PKN2: variants seen among roughly 807,000 people sequenced by gnomAD.
PKN2 encodes protein kinase N2.
In PKN2, 38 loss-of-function variants were observed where a neutral mutation model predicts 119.1. The ratio of observed to expected loss-of-function variants is 0.32; its 90% CI spans 0.25 to 0.42. PKN2 has a LOEUF of 0.42. PKN2 is among the 10% of genes least tolerant of loss of function. PKN2 has a pLI of 1.00. For synonymous variants in PKN2, 390 were observed against 384.9 expected (o/e 1.01, Z -0.15); for missense variants, 850 against 1,165.1 (o/e 0.73, Z 3.94).
In PKN2 at chr1:88,729,520, A is replaced by G. The variant is rs529526871; in HGVS notation, c.49-11468A>G. 3.3e-5 allele frequency among the ~76,000 whole-genome samples: 5 copies of G among 152,248 alleles called. No homozygotes were observed. In the East Asian group the frequency reaches 9.7e-4, roughly 29 times the overall value. The stretch of plus-strand genomic sequence containing the variant: ...CCTCAGCTGGAAAGCTTTTGTTCTC[A>G]TACACATGGCCTCTTTCCACATGGT... On this transcript the variant is annotated intron_variant, in intron 1 of 21. Coordinates refer to ENST00000370521, the MANE Select transcript of PKN2 (RefSeq NM_006256.4).
intron 6 of PKN2, among the ~76,000 whole-genome samples, chr1:88,780,255 A>G (rs897463170): frequency 6.6e-6 from 1 of 152,150 alleles, no homozygotes. Context: ...TCAAATAGCT[A>G]TTAATTTGTT....
chr1:88,790,487 T>TTG (rs1670778357), intron 8 of PKN2, among the ~76,000 whole-genome samples: 1 of 152,196 alleles, frequency 6.6e-6, no homozygotes, highest in South Asian at 2.1e-4. Context: ...TAATTTTGAG[T>TTG]TGTGTAATTA....
At chr1:88,793,214 G>C (rs1670919662) in intron 8 of PKN2, among the ~76,000 whole-genome samples, 1 of 152,242 alleles carries the variant, frequency 6.6e-6, no homozygotes, top group South Asian at 2.1e-4. Context: ...GTGTTTGTGT[G>C]TAAGTTTGAT....
chr1:88,741,846 T>C (rs1231051326), intron 2 of PKN2, among the ~76,000 whole-genome samples: 1 of 152,032 alleles, frequency 6.6e-6, no homozygotes, highest in Non-Finnish European at 1.5e-5. Flanking sequence ...AAGAGGAAAA[T>C]ATAACCTATG....
chr1:88,740,958 CCCA>C (rs1343402999), intron 1 of PKN2, 27 bp from the exon 2 acceptor site: 2 of 1,489,164 alleles, frequency 1.3e-6, no homozygotes, highest in East Asian at 2.3e-5. Context: ...CTCCTAAACT[CCCA>C]CATTTGTATG....
chr1:88,797,648 A>G lies in PKN2; in HGVS notation c.1282-6743A>G, dbSNP rs1422315379. On this transcript the variant is annotated intron_variant, in intron 8 of 21. Transcript: ENST00000370521. ...AGAGACTCCGTCTCAAAAAAAAAAA[A>G]AAAAGAGAGAGAATGTCTTCCTTAC... Among the ~76,000 whole-genome samples, 6 of 151,706 alleles carry G rather than the reference A, an allele frequency of 4.0e-5. 1 individual carries two copies. Among genetic ancestry groups the G allele is most frequent in the Non-Finnish European group, 8.8e-5 (6 of 67,900 alleles).
intron 2 of PKN2, among the ~76,000 whole-genome samples, chr1:88,746,376 G>A (rs1436944084): frequency 6.6e-6 from 1 of 151,962 alleles, no homozygotes; most frequent in Non-Finnish European, 1.5e-5. Flanking sequence ...TATTGGATAA[G>A]GGGTCAGTAA....
chr1:88,684,475 T>TTTTTTCTTTCTCTCCCCTC lies in PKN2; in HGVS notation c.-104_-86dup. On this transcript the variant is annotated 5_prime_UTR_variant, in exon 1 of 22. Coordinates refer to ENST00000370521, the MANE Select transcript of PKN2 (RefSeq NM_006256.4). ...TCCATGAATCCCTAGTTGTTTTTTT[T>TTTTTTCTTTCTCTCCCCTC]TTTTTCTTTCTCTCCCCTCTCCTCA... 2.1e-6 allele frequency: 2 copies of TTTTTTCTTTCTCTCCCCTC among 948,656 alleles called. No homozygotes were observed. Among genetic ancestry groups the TTTTTTCTTTCTCTCCCCTC allele is most frequent in the South Asian group, 3.2e-5 (2 of 62,498 alleles). 58.8% of individuals were successfully genotyped at this position (948,656 alleles called of 1,614,324 possible).
intron 2 of PKN2, among the ~76,000 whole-genome samples, chr1:88,755,647 A>C (rs1669167101): frequency 6.6e-6 from 1 of 152,172 alleles, no homozygotes; most frequent in Non-Finnish European, 1.5e-5. Context: ...AGCACTATAT[A>C]GGCTTTATTT....
chr1:88,776,107 C>CAA (rs61540217), intron 6 of PKN2, among the ~76,000 whole-genome samples: 2,213 of 93,574 alleles, frequency 0.024, 24 homozygotes, highest in Non-Finnish European at 0.028. Flanking sequence ...GACTCCGTCT[C>CAA]AAAAAAAAAA....
intron 1 of PKN2, among the ~76,000 whole-genome samples, chr1:88,706,294 G>A (rs559946969): frequency 1.3e-5 from 2 of 152,168 alleles, no homozygotes; most frequent in South Asian, 4.1e-4. Context: ...ATCATTCCTA[G>A]TATATAGAAG....
At position 88,807,665 on chromosome 1, in the gene PKN2, T is replaced by A; in HGVS notation, c.2011-19T>A. 6.4e-7 allele frequency: 1 copy of A among 1,565,592 alleles called. No individual in the cohort carries two copies. The highest frequency in any genetic ancestry group is 2.2e-5 in the East Asian group (1 of 44,518). On this transcript the variant is annotated intron_variant, in intron 14 of 21. Coordinates refer to ENST00000370521, the MANE Select transcript of PKN2 (RefSeq NM_006256.4). Reference sequence around the variant, plus strand: ...ATTAATAACTCAAGTGGAAAATAATTATTTTAATTTTATTTCAGGTGCTTT... The same window carrying A: ...ATTAATAACTCAAGTGGAAAATAATAATTTTAATTTTATTTCAGGTGCTTT...
chr1:88,830,601 T>A (rs1431801597), intron 19 of PKN2, among the ~76,000 whole-genome samples: 1 of 152,126 alleles, frequency 6.6e-6, no homozygotes, highest in African/African-American at 2.4e-5. Context: ...AAAATATGAG[T>A]TTATTACAAA....
intron 12 of PKN2, among the ~76,000 whole-genome samples, chr1:88,806,697 A>G (rs139466852): frequency 6.6e-6 from 1 of 152,160 alleles, no homozygotes; most frequent in African/African-American, 2.4e-5. Context: ...CATACATAAT[A>G]ATGTGTTAGT....
chr1:88,719,485 ATTAG>A (rs1667583054), intron 1 of PKN2, among the ~76,000 whole-genome samples: 1 of 152,144 alleles, frequency 6.6e-6, no homozygotes, highest in East Asian at 1.9e-4. Context: ...ATCTATTTAT[ATTAG>A]TTTTGTTGTT....
intron 2 of PKN2, among the ~76,000 whole-genome samples, chr1:88,742,798 T>G (rs1668626471): frequency 6.6e-6 from 1 of 152,150 alleles, no homozygotes; most frequent in South Asian, 2.1e-4. Flanking sequence ...ATTTTCCTCC[T>G]CACAGAATAC....
At chr1:88,758,216 A>T (rs1669295686) in intron 2 of PKN2, among the ~76,000 whole-genome samples, 1 of 152,106 alleles carries the variant, frequency 6.6e-6, no homozygotes, top group Non-Finnish European at 1.5e-5. Flanking sequence ...TTATGTATTA[A>T]TAGTTCCCAT....
At chr1:88,752,169 A>G (rs1669028561) in intron 2 of PKN2, among the ~76,000 whole-genome samples, 1 of 152,068 alleles carries the variant, frequency 6.6e-6, no homozygotes, top group African/African-American at 2.4e-5. Flanking sequence ...TTAGATGCAT[A>G]TTAATTTCTT....
At chr1:88,826,524 C>A (rs149767998) in intron 18 of PKN2, among the ~76,000 whole-genome samples, 1 of 152,062 alleles carries the variant, frequency 6.6e-6, no homozygotes, top group East Asian at 1.9e-4. Flanking sequence ...TTAGGATATT[C>A]GTCACCCAAA....
Sources: allele counts gnomAD v4.1 joint callset (sites outside exome capture counted in the v4.1 genomes callset), GRCh38; gene constraint gnomAD v4.1.1; transcripts MANE v1.5; gene names NCBI Gene and HGNC (gene_info 2026-07-23, HGNC 2026-07-21).